Variants in GAS7 observed in about 807,000 individuals in gnomAD.
GAS7 encodes the protein growth arrest-specific protein 7.
GAS7 carries 28 observed loss-of-function variants against 71.1 expected under a neutral mutation model. That is an observed-to-expected ratio of 0.39 (90% CI 0.29 to 0.54). The LOEUF (loss-of-function observed/expected upper bound fraction) is 0.54. Among genes scored for constraint, GAS7 ranks in the 20% least tolerant of loss-of-function variants. The pLI is 0.62. For missense variants in GAS7, 436 were observed against 627.8 expected (o/e 0.69, Z 3.27); for synonymous variants, 258 against 245.8 (o/e 1.05, Z -0.46).
chr17:10,048,030 G>A (rs1039601336), intron 1 of GAS7, among the ~76,000 whole-genome samples: 4 of 152,130 alleles, frequency 2.6e-5, no homozygotes, highest in Admixed American at 6.5e-5. Flanking sequence ...GGCCAGGCGC[G>A]GTGACTCATG....
intron 1 of GAS7, among the ~76,000 whole-genome samples, chr17:10,021,047 A>G (rs1029921106): frequency 3.3e-5 from 5 of 152,232 alleles, no homozygotes; most frequent in Non-Finnish European, 5.9e-5. Context: ...ATAAACACAG[A>G]AATAAAAGTT....
chr17:9,926,509 C>G lies in GAS7; in HGVS notation c.1014+132G>C. 1.1e-6 allele frequency: 1 copy of G among 947,136 alleles called. No homozygotes were observed. Among genetic ancestry groups the G allele is most frequent in the Non-Finnish European group, 1.6e-6 (1 of 621,664 alleles). The allele number at this position is 947,136 out of a possible 1,614,324, so 58.7% of individuals were successfully genotyped here. A position where few individuals can be genotyped will look rare whatever the true frequency, so the allele number is the denominator to read the frequency against. On this transcript the variant is annotated intron_variant, in intron 10 of 13. Transcript: ENST00000432992. This position sits in a 1 kb window ranked among gnomAD's most constrained non-coding sequence, Gnocchi z 5.0. ...CTCTGGCGTAGGCACGAGGCTTGGA[C>G]ATCCCCCTATTCCCCTACCTGGGGA...
At chr17:10,100,649 A>AC (rs918606739) in intron 1 of GAS7, among the ~76,000 whole-genome samples, 8 of 150,292 alleles carry the variant, frequency 5.3e-5, no homozygotes, top group Non-Finnish European at 1.0e-4. Flanking sequence ...CCACCTCCCA[A>AC]CCCCCCCATC....
chr17:10,099,785 C>T (rs1313793343), intron 1 of GAS7, among the ~76,000 whole-genome samples: 4 of 152,162 alleles, frequency 2.6e-5, no homozygotes, highest in African/African-American at 9.7e-5. Flanking sequence ...TGGCCTTCTC[C>T]CCAAGGTATA....
chr17:10,017,089 C>T (rs1431191101), intron 2 of GAS7, among the ~76,000 whole-genome samples: 1 of 150,864 alleles, frequency 6.6e-6, no homozygotes, highest in Non-Finnish European at 1.5e-5. Flanking sequence ...CATGATTGTG[C>T]CACTGTACTC....
chr17:9,955,745 C>A (rs995539142), intron 5 of GAS7, among the ~76,000 whole-genome samples: 1 of 152,184 alleles, frequency 6.6e-6, no homozygotes. Context: ...GAGAGGGGCA[C>A]GCCTCCCCGT....
In GAS7 at chr17:10,183,373, C is replaced by T. The variant is rs72810945; in HGVS notation, c.183+14835G>A. ...GTCCCCCTACTTCCCCAACACCATC[C>T]GCCCTGTGTGCCCCAATGAAACTCC... On this transcript the variant is annotated intron_variant, in intron 1 of 13. Transcript: ENST00000432992. Among the ~76,000 whole-genome samples, 760 of 152,254 alleles carry T rather than the reference C, an allele frequency of 5.0e-3. 2 individuals carry two copies. Among genetic ancestry groups the T allele is most frequent in the Non-Finnish European group, 8.5e-3 (581 of 68,028 alleles).
intron 1 of GAS7, among the ~76,000 whole-genome samples, chr17:10,179,572 C>T (rs1283011804): frequency 6.6e-6 from 1 of 152,120 alleles, no homozygotes; most frequent in Admixed American, 6.5e-5. Flanking sequence ...TAGGAGGAGA[C>T]TGAGACTATG....
At chr17:10,052,976 A>T (rs1164732832) in intron 1 of GAS7, among the ~76,000 whole-genome samples, 1 of 152,218 alleles carries the variant, frequency 6.6e-6, no homozygotes, top group Non-Finnish European at 1.5e-5. Context: ...CCAGGCACAG[A>T]AAATGTACAC....
chr17:9,917,854 G>A, intron 13 of GAS7, 147 bp downstream of exon 13: 2 of 615,120 alleles, frequency 3.3e-6, no homozygotes, highest in East Asian at 2.8e-5. Flanking sequence ...CAGTCCACGA[G>A]GCCACCCCCA....
chr17:10,123,544 C>T (rs554770525), intron 1 of GAS7, among the ~76,000 whole-genome samples: 1 of 152,374 alleles, frequency 6.6e-6, no homozygotes, highest in African/African-American at 2.4e-5. Flanking sequence ...CAGACACAGG[C>T]AGGGCTAAGG....
At chr17:10,174,647 G>A (rs1394312793) in intron 1 of GAS7, among the ~76,000 whole-genome samples, 3 of 151,846 alleles carry the variant, frequency 2.0e-5, no homozygotes, top group Admixed American at 1.3e-4. Context: ...AGCTGAGATC[G>A]CACCACTGCA....
At chr17:9,990,889 G>A (rs2070816817) in intron 2 of GAS7, among the ~76,000 whole-genome samples, 1 of 152,134 alleles carries the variant, frequency 6.6e-6, no homozygotes, top group African/African-American at 2.4e-5. Flanking sequence ...TAAGAGCTCT[G>A]GCGCTGGCAT....
intron 1 of GAS7, among the ~76,000 whole-genome samples, chr17:10,152,351 T>C (rs1309296209): frequency 1.3e-5 from 2 of 152,254 alleles, no homozygotes; most frequent in African/African-American, 4.8e-5. Flanking sequence ...GGAACGATTC[T>C]GTGCTCAGCA....
intron 1 of GAS7, among the ~76,000 whole-genome samples, chr17:10,162,433 G>GC (rs911524433): frequency 7.3e-5 from 11 of 151,482 alleles, no homozygotes; most frequent in Admixed American, 7.2e-4. Flanking sequence ...AAGTTTCCTG[G>GC]GTCCCCCCTC....
At chr17:10,080,872 T>C (rs969763339) in intron 1 of GAS7, among the ~76,000 whole-genome samples, 2 of 152,176 alleles carry the variant, frequency 1.3e-5, no homozygotes, top group African/African-American at 4.8e-5. Flanking sequence ...AGTGAACAGA[T>C]AGACAAATAG....
At chr17:10,005,157 G>GTGTA (rs1426400377) in intron 2 of GAS7, among the ~76,000 whole-genome samples, 2,131 of 88,202 alleles carry the variant, frequency 0.024, 44 homozygotes, top group East Asian at 0.12. Context: ...ATGCATGCAT[G>GTGTA]TGTGTGCGCA....
At position 10,133,122 on chromosome 17, in the gene GAS7, A is replaced by ATATAT. The variant is rs1392845338; in HGVS notation, c.183+65085_183+65086insATATA. Among the ~76,000 whole-genome samples, 32 of 118,920 alleles carry ATATAT rather than the reference A, an allele frequency of 2.7e-4. No homozygotes were observed. The East Asian group carries it at 6.4e-3, about 24-fold the overall frequency. The allele number at this position is 118,920 out of a possible 152,430, so 78.0% of individuals were successfully genotyped here. A position where few individuals can be genotyped will look rare whatever the true frequency, so the allele number is the denominator to read the frequency against. On this transcript the variant is annotated intron_variant, in intron 1 of 13. Transcript: ENST00000432992. ...TTATAATTAGATTATATATTTTTAT[A>ATATAT]TTTTTTTTTTTTCTTTTTTGAGATG... is the stretch of plus-strand genomic sequence containing the variant.
chr17:10,019,392 C>T (rs1483753855), intron 2 of GAS7, among the ~76,000 whole-genome samples: 1 of 152,186 alleles, frequency 6.6e-6, no homozygotes, highest in Non-Finnish European at 1.5e-5. Flanking sequence ...AATTCCAAGA[C>T]ATCATGCAGT....
Sources: allele counts gnomAD v4.1 joint callset (sites outside exome capture counted in the v4.1 genomes callset), GRCh38; gene constraint gnomAD v4.1.1; non-coding constraint Gnocchi (gnomAD v3.1); transcripts MANE v1.5; gene names NCBI Gene and HGNC (gene_info 2026-07-23, HGNC 2026-07-21).